Variants in IL1RAPL1 observed in about 807,000 individuals in gnomAD.
IL1RAPL1 encodes the protein interleukin-1 receptor accessory protein-like 1.
Under a neutral mutation model 48.4 loss-of-function variants are expected in IL1RAPL1, and 3 were observed. The observed-to-expected ratio is 0.06, with a 90% CI of 0.03 to 0.16. The LOEUF is 0.16. Ranked by LOEUF, IL1RAPL1 falls within the 10% of genes least tolerant of loss-of-function variation. The pLI is 1.00. For missense variants in IL1RAPL1, 349 were observed against 530.6 expected (o/e 0.66, Z 3.36); for synonymous variants, 185 against 187.7 (o/e 0.99, Z 0.12).
chrX:29,490,400 A>G (rs1935143610), intron 5 of IL1RAPL1, among the ~76,000 whole-genome samples: 1 of 110,166 alleles, frequency 9.1e-6, no homozygotes, highest in East Asian at 2.9e-4. Context: ...ATGTGTGGTG[A>G]CACATGCCAG....
chrX:28,853,585 A>G (rs754616785), intron 2 of IL1RAPL1, among the ~76,000 whole-genome samples: 87 of 111,762 alleles, frequency 7.8e-4, no homozygotes, highest in Non-Finnish European at 1.5e-3. Context: ...AAATAAAGGC[A>G]GCCATAATGT....
At chrX:29,577,491 T>G (rs1490514727) in intron 5 of IL1RAPL1, among the ~76,000 whole-genome samples, 1 of 111,687 alleles carries the variant, frequency 9.0e-6, no homozygotes, top group Non-Finnish European at 1.9e-5. Context: ...GGCTTCCCTT[T>G]CTCAATTAAA....
chrX:28,596,208 C>T (rs140834672), intron 1 of IL1RAPL1, among the ~76,000 whole-genome samples: 36 of 111,272 alleles, frequency 3.2e-4, no homozygotes, highest in African/African-American at 1.1e-3. Flanking sequence ...CTACATTATA[C>T]GTAGAGACAA....
At chrX:28,959,158 A>T (rs1209733530) in intron 2 of IL1RAPL1, among the ~76,000 whole-genome samples, 1 of 106,172 alleles carries the variant, frequency 9.4e-6, no homozygotes, top group Non-Finnish European at 1.9e-5. Flanking sequence ...ATTTGTTTAG[A>T]TTGACACTTT....
intron 5 of IL1RAPL1, among the ~76,000 whole-genome samples, chrX:29,418,146 A>G (rs1934246771): frequency 2.6e-5 from 1 of 38,084 alleles, no homozygotes; most frequent in African/African-American, 1.3e-4. Context: ...TTTTTTTGAG[A>G]TGGAGTCTTG....
chrX:29,325,671 GA>G (rs1486423615), intron 3 of IL1RAPL1, among the ~76,000 whole-genome samples: 1 of 111,956 alleles, frequency 8.9e-6, no homozygotes, highest in Non-Finnish European at 1.9e-5. Context: ...CCTTATCTGT[GA>G]GTGTGTTAGT....
At chrX:28,641,129 T>C (rs2146898626) in intron 1 of IL1RAPL1, among the ~76,000 whole-genome samples, 1 of 109,280 alleles carries the variant, frequency 9.2e-6, no homozygotes, top group South Asian at 4.1e-4. Flanking sequence ...GTTTCTTACA[T>C]AGGTATACAC....
chrX:28,722,652 G>A (rs1288013981), intron 1 of IL1RAPL1, among the ~76,000 whole-genome samples: 5 of 111,580 alleles, frequency 4.5e-5, no homozygotes. Flanking sequence ...GTGAGAGAGG[G>A]CATCCCTGTC....
At chrX:29,943,283 C>T (rs773168755) in intron 9 of IL1RAPL1, among the ~76,000 whole-genome samples, 275 of 111,806 alleles carry the variant, frequency 2.5e-3, no homozygotes, top group Non-Finnish European at 3.6e-3. Flanking sequence ...AAGGACTTTG[C>T]CATTGTCGGA....
chrX:29,743,009 G>A (rs994827979), intron 6 of IL1RAPL1, among the ~76,000 whole-genome samples: 2 of 110,065 alleles, frequency 1.8e-5, no homozygotes, highest in African/African-American at 6.6e-5. Flanking sequence ...TTGAAAGTGT[G>A]TTAAAATGGC....
At chrX:29,319,554 G>GTATCTAATC (rs529502758) in intron 3 of IL1RAPL1, among the ~76,000 whole-genome samples, 1 of 84,970 alleles carries the variant, frequency 1.2e-5, no homozygotes, top group Admixed American at 1.3e-4. Context: ...ATGTATGTAT[G>GTATCTAATC]TATGTATCTA....
intron 2 of IL1RAPL1, among the ~76,000 whole-genome samples, chrX:28,990,748 A>G (rs1925584152): frequency 8.9e-6 from 1 of 111,863 alleles, no homozygotes; most frequent in South Asian, 3.8e-4. Context: ...AAAATGCCAG[A>G]TTTGAGCATC....
At chrX:28,930,787 A>G (rs904637680) in intron 2 of IL1RAPL1, among the ~76,000 whole-genome samples, 22 of 110,975 alleles carry the variant, frequency 2.0e-4, no homozygotes, top group African/African-American at 3.0e-4. Context: ...GACTACAGGC[A>G]CCTGCCACCA....
chrX:29,502,495 T>C (rs1935286164), intron 5 of IL1RAPL1, among the ~76,000 whole-genome samples: 1 of 111,973 alleles, frequency 8.9e-6, no homozygotes, highest in African/African-American at 3.2e-5. Context: ...GTTCCTTCTA[T>C]ACCCAGTTTG....
chrX:29,405,856 T>TTG (rs200701535), intron 5 of IL1RAPL1, among the ~76,000 whole-genome samples: 41 of 111,216 alleles, frequency 3.7e-4, no homozygotes, highest in African/African-American at 9.2e-4. Context: ...GCTCCATTCT[T>TTG]TTTTTTTCTA....
At chrX:29,167,159 CAGTA>C (rs999851106) in intron 2 of IL1RAPL1, among the ~76,000 whole-genome samples, 4 of 111,541 alleles carry the variant, frequency 3.6e-5, no homozygotes, top group African/African-American at 6.5e-5. Flanking sequence ...GGTGAATTCT[CAGTA>C]AGTATTTCCT....
chrX:29,516,556 A>AT (rs1447036557), intron 5 of IL1RAPL1, among the ~76,000 whole-genome samples: 2 of 81,304 alleles, frequency 2.5e-5, no homozygotes, highest in South Asian at 5.6e-4. Context: ...TCTATGACTT[A>AT]TTTTTTTTAC....
chrX:29,527,110 A>G (rs1935560685), intron 5 of IL1RAPL1, among the ~76,000 whole-genome samples: 1 of 110,807 alleles, frequency 9.0e-6, no homozygotes, highest in South Asian at 3.8e-4. Flanking sequence ...ATAGAATTGT[A>G]ATATATAATA....
intron 2 of IL1RAPL1, among the ~76,000 whole-genome samples, chrX:29,003,714 A>G (rs1454626358): frequency 8.9e-6 from 1 of 112,650 alleles, no homozygotes; most frequent in Middle Eastern, 4.2e-3. Flanking sequence ...ACTATACCTG[A>G]CAGGAAGCTG....
Sources: allele counts gnomAD v4.1 joint callset (sites outside exome capture counted in the v4.1 genomes callset), GRCh38; gene constraint gnomAD v4.1.1; transcripts MANE v1.5; gene names NCBI Gene and HGNC (gene_info 2026-07-23, HGNC 2026-07-21).